CSF2RA: variants seen among roughly 807,000 people sequenced by gnomAD.
The protein encoded by CSF2RA is granulocyte-macrophage colony-stimulating factor receptor subunit alpha.
CSF2RA carries 42 observed loss-of-function variants against 51.6 expected under a neutral mutation model. The observed-to-expected ratio is 0.81, with a 90% CI of 0.64 to 1.05. CSF2RA has a LOEUF of 1.05. CSF2RA is among the 50% of genes least tolerant of loss of function. The probability of loss-of-function intolerance (pLI) is 0.00; values close to 1 mark genes in which losing one functional copy is unlikely to be tolerated. For missense variants in CSF2RA, 530 were observed against 501.1 expected (o/e 1.06, Z -0.55); for synonymous variants, 222 against 193.0 (o/e 1.15, Z -1.24).
chrX:1,323,829 A>G, the CSF2RA span, among the ~76,000 whole-genome samples: 1 of 151,898 alleles, frequency 6.6e-6, no homozygotes, highest in South Asian at 2.1e-4. Context: ...CCTGGCTAAC[A>G]CGGTGAAACC....
At chrX:1,322,099 A>ATTATTTATTTATTTATTTAT in the CSF2RA span, among the ~76,000 whole-genome samples, 1,383 of 146,716 alleles carry the variant, frequency 9.4e-3, 28 homozygotes, top group East Asian at 0.028. Flanking sequence ...ATAACATCCT[A>ATTATTTATTTATTTATTTAT]TTATTTATTT....
At chrX:1,324,419 A>AAAGG in the CSF2RA span, among the ~76,000 whole-genome samples, 4 of 133,170 alleles carry the variant, frequency 3.0e-5, no homozygotes, top group African/African-American at 1.1e-4. Flanking sequence ...GAAAGGAAAG[A>AAAGG]AAAAGAAAGA....
intron 3 of CSF2RA, among the ~76,000 whole-genome samples, chrX:1,285,373 C>T (rs1268305395): frequency 6.6e-6 from 1 of 152,066 alleles, no homozygotes; most frequent in African/African-American, 2.4e-5. Flanking sequence ...CCCTGAACTT[C>T]ACCTCCCAGA....
intron 9 of CSF2RA, chrX:1,300,198 G>A (rs780741669): frequency 2.3e-5 from 7 of 307,600 alleles, no homozygotes; most frequent in Middle Eastern, 1.1e-3. Context: ...CAGCCTGGGT[G>A]ACAGAGGGAG....
chrX:1,301,810 T>G (rs1474857636), intron 10 of CSF2RA, among the ~76,000 whole-genome samples: 48 of 149,102 alleles, frequency 3.2e-4, no homozygotes, highest in Admixed American at 2.8e-3. Flanking sequence ...TTCACTGTTT[T>G]TTAGCCAGGA....
At chrX:1,290,640 C>A (rs2091310806) in intron 7 of CSF2RA, 131 bp downstream of exon 7, 1 of 911,766 alleles carries the variant, frequency 1.1e-6, no homozygotes, top group African/African-American at 1.6e-5. Context: ...CGAGGCGGGC[C>A]GATCACCTGA....
intron 12 of CSF2RA, 124 bp downstream of exon 12, chrX:1,305,651 G>C: frequency 6.2e-7 from 1 of 1,608,082 alleles, no homozygotes; most frequent in Middle Eastern, 1.7e-4. Context: ...GTCACCACCG[G>C]TGTGGCTGGA....
At chrX:1,275,513 G>C (rs1603418184) in intron 2 of CSF2RA, among the ~76,000 whole-genome samples, 1 of 151,938 alleles carries the variant, frequency 6.6e-6, no homozygotes. Context: ...GCGGCAGTTT[G>C]GTTTTATATG....
At chrX:1,275,087 T>C (rs867915783) in intron 2 of CSF2RA, among the ~76,000 whole-genome samples, 27 of 51,988 alleles carry the variant, frequency 5.2e-4, no homozygotes, top group African/African-American at 1.4e-3. Flanking sequence ...CATGAACCTG[T>C]CAAAAAAAAA....
chrX:1,300,649 G>T, intron 10 of CSF2RA, 23 bp downstream of exon 10: 1 of 1,613,900 alleles, frequency 6.2e-7, no homozygotes, highest in Non-Finnish European at 8.5e-7. Context: ...CGGAGGTAAG[G>T]GATGTTTGTG....
intron 7 of CSF2RA, among the ~76,000 whole-genome samples, chrX:1,291,814 T>C (rs140573753): frequency 0.38 from 46,649 of 123,886 alleles, 8,527 homozygotes; most frequent in Middle Eastern, 0.55. Context: ...TCCACCTGGA[T>C]CCAGTGTAGA....
chrX:1,279,130 T>C (rs28552098), intron 2 of CSF2RA, among the ~76,000 whole-genome samples: 144,561 of 151,396 alleles, frequency 0.95, 69,043 homozygotes, highest in African/African-American at 0.99. Context: ...GCAGGGGGAT[T>C]ACTTGAGATC....
At chrX:1,306,516 G>A (rs533878598) in intron 12 of CSF2RA, among the ~76,000 whole-genome samples, 5 of 151,828 alleles carry the variant, frequency 3.3e-5, no homozygotes, top group Middle Eastern at 3.4e-3. Flanking sequence ...GTGTGGTGGC[G>A]CACACCTGTA....
intron 10 of CSF2RA, among the ~76,000 whole-genome samples, chrX:1,303,595 C>G (rs749335374): frequency 6.6e-6 from 1 of 152,016 alleles, no homozygotes; most frequent in Non-Finnish European, 1.5e-5. Flanking sequence ...AGGCTGGTCT[C>G]GAACTCCCAA....
intron 7 of CSF2RA, among the ~76,000 whole-genome samples, chrX:1,292,650 A>G (rs1293459805): frequency 6.6e-6 from 1 of 152,132 alleles, no homozygotes; most frequent in Non-Finnish European, 1.5e-5. Context: ...TCAGTGTAGC[A>G]AAGAGTCACA....
intron 6 of CSF2RA, among the ~76,000 whole-genome samples, chrX:1,289,427 C>T (rs1432923243): frequency 6.6e-6 from 1 of 152,148 alleles, no homozygotes; most frequent in East Asian, 1.9e-4. Flanking sequence ...CTGCACCTGG[C>T]CTGTTTTTTT....
chrX:1,270,715 C>T (rs866540638), intron 1 of CSF2RA, among the ~76,000 whole-genome samples: 3 of 151,254 alleles, frequency 2.0e-5, no homozygotes, highest in South Asian at 4.2e-4. Context: ...GAATGCTGCC[C>T]AGCCTGTCCC....
Position 1,305,834 on chromosome X carries a change from A to G in CSF2RA, c.1125+307A>G, listed in dbSNP as rs1386608259. On this transcript the variant is annotated intron_variant, in intron 12 of 12. Coordinates refer to ENST00000381529, the MANE Select transcript of CSF2RA (RefSeq NM_172245.4). ...GGTGGCTCATGCCTGTCATCCCAGCACTTTGGGAGGTTGAGGCATGTGGAT... is the reference window on the plus strand; with the variant it reads ...GGTGGCTCATGCCTGTCATCCCAGCGCTTTGGGAGGTTGAGGCATGTGGAT... 3.9e-6 allele frequency: 6 copies of G among 1,521,474 alleles called. No individual in the cohort carries two copies. In the Admixed American group the frequency reaches 9.8e-5, roughly 25 times the overall value. 94.2% of individuals were successfully genotyped at this position (1,521,474 alleles called of 1,614,324 possible).
intron 1 of CSF2RA, among the ~76,000 whole-genome samples, chrX:1,272,825 CT>C (rs769498285): frequency 0.43 from 55,580 of 130,166 alleles, 13,827 homozygotes; most frequent in Non-Finnish European, 0.58. Flanking sequence ...TTCTTTTTTT[CT>C]TTTTTTTTTT....
Sources: gnomAD v4.1 joint callset for allele counts (sites outside exome capture counted in the v4.1 genomes callset) on GRCh38, gnomAD v4.1.1 for gene constraint, MANE v1.5 for transcripts, NCBI Gene and HGNC (gene_info 2026-07-23, HGNC 2026-07-21) for gene names.